The following STK3 variants were observed in gnomAD, a reference collection of about 807,000 sequenced individuals.
The protein encoded by STK3 is serine/threonine kinase 3.
STK3 carries 41 observed loss-of-function variants against 58.0 expected under a neutral mutation model. The observed-to-expected ratio is 0.71, with a 90% CI of 0.55 to 0.92. The LOEUF is 0.92. STK3 is among the 40% of genes least tolerant of loss of function. STK3 has a pLI of 0.00. For missense variants in STK3, 479 were observed against 602.7 expected, an observed-to-expected ratio of 0.79 and a Z score of 2.15; for synonymous variants, 170 against 191.0, an observed-to-expected ratio of 0.89 and a Z score of 0.91.
At chr8:98,499,439 A>T (rs1333222655) in intron 10 of STK3, among the ~76,000 whole-genome samples, 6 of 152,240 alleles carry the variant, frequency 3.9e-5, no homozygotes, top group African/African-American at 1.4e-4. Flanking sequence ...TAAAACTATG[A>T]AAGTGGCTTT....
In STK3 at chr8:98,796,113, A is replaced by G. The variant is rs185090156; in HGVS notation, c.27-21294T>C. ...ACACTATTCCTATCAAGCTACCAACATCATTTTGGACAAAACTAGAAAAAA... is the reference window on the plus strand; with the variant it reads ...ACACTATTCCTATCAAGCTACCAACGTCATTTTGGACAAAACTAGAAAAAA... On this transcript the variant is annotated intron_variant, in intron 1 of 10. Transcript: ENST00000419617. Among the ~76,000 whole-genome samples the G allele has an allele frequency of 3.3e-4, 51 of 152,334 alleles. No individual in the cohort carries two copies. In the East Asian group the frequency reaches 9.6e-3, roughly 29 times the overall value.
intron 6 of STK3, among the ~76,000 whole-genome samples, chr8:98,637,194 G>A (rs1819690950): frequency 6.6e-6 from 1 of 151,688 alleles, no homozygotes; most frequent in Admixed American, 6.6e-5. Flanking sequence ...GTAAAATCAA[G>A]TATGAACCAG....
intron 1 of STK3, chr8:98,905,804 GATTCA>G (rs1838875015): frequency 5.4e-6 from 2 of 372,856 alleles, no homozygotes; most frequent in Admixed American, 7.5e-5. Flanking sequence ...AGCAACGAAC[GATTCA>G]CAAATTCGGA....
At chr8:98,429,671 T>C (rs1047325421) in intron 3 of STK3, 2 of 479,964 alleles carry the variant, frequency 4.2e-6, no homozygotes, top group African/African-American at 1.9e-5. Context: ...AATGTTCACC[T>C]TTTTGCCAGA....
chr8:98,838,973 TTTTG>T (rs899352226), intron 3 of STK3, among the ~76,000 whole-genome samples: 9 of 147,142 alleles, frequency 6.1e-5, no homozygotes, highest in Admixed American at 1.4e-4. Context: ...TTTGTTTTTG[TTTTG>T]TTTGTTTGTT....
chr8:98,703,637 C>T (rs1003394500), intron 6 of STK3, among the ~76,000 whole-genome samples: 7 of 152,076 alleles, frequency 4.6e-5, no homozygotes, highest in African/African-American at 1.7e-4. Flanking sequence ...CAGACTGTGC[C>T]CTGTTAGTAA....
intron 1 of STK3, among the ~76,000 whole-genome samples, chr8:98,934,670 C>G (rs1311197354): frequency 6.6e-6 from 1 of 152,194 alleles, no homozygotes; most frequent in East Asian, 1.9e-4. Context: ...AATCCCAGCA[C>G]TTTGGGAAGC....
chr8:98,617,512 A>G (rs1210000417), intron 6 of STK3, among the ~76,000 whole-genome samples: 1 of 149,692 alleles, frequency 6.7e-6, no homozygotes, highest in Non-Finnish European at 1.5e-5. Context: ...CAAAAAATCA[A>G]TGAATCCAGG....
At chr8:98,712,085 A>C (rs544308612) in intron 4 of STK3, among the ~76,000 whole-genome samples, 37 of 152,334 alleles carry the variant, frequency 2.4e-4, no homozygotes, top group African/African-American at 8.7e-4. Flanking sequence ...GCAAAGGCTG[A>C]GAGATTTTGT....
chr8:98,640,416 A>G (rs958402304), intron 6 of STK3, among the ~76,000 whole-genome samples: 2 of 152,210 alleles, frequency 1.3e-5, no homozygotes, highest in Non-Finnish European at 2.9e-5. Context: ...GGAAGAATAT[A>G]TTCTTTTGTA....
chr8:98,859,591 G>A (rs73277884), intron 3 of STK3, among the ~76,000 whole-genome samples: 2,743 of 152,246 alleles, frequency 0.018, 78 homozygotes, highest in African/African-American at 0.063. Context: ...AACTGACATT[G>A]TTGATTTTCC....
At chr8:98,597,237 T>C (rs138694441) in intron 6 of STK3, 2 of 972,844 alleles carry the variant, frequency 2.1e-6, no homozygotes, top group Admixed American at 6.1e-5. Context: ...TGCATTATCA[T>C]TGGTTTCTTA....
intron 3 of STK3, among the ~76,000 whole-genome samples, chr8:98,765,134 T>C (rs1268941071): frequency 6.6e-6 from 1 of 152,208 alleles, no homozygotes; most frequent in Non-Finnish European, 1.5e-5. Context: ...TGCTAATCCT[T>C]GAACTATTTT....
At chr8:98,361,273 G>A in the STK3 span, among the ~76,000 whole-genome samples, 3 of 152,052 alleles carry the variant, frequency 2.0e-5, no homozygotes, top group African/African-American at 4.8e-5. Context: ...TCCTGCCCAC[G>A]GTGCCAGAGG....
intron 7 of STK3, among the ~76,000 whole-genome samples, chr8:98,589,356 C>T (rs1374237835): frequency 2.0e-5 from 3 of 152,138 alleles, no homozygotes; most frequent in Admixed American, 6.6e-5. Context: ...AGTAACCTGC[C>T]GTGTGAGGTG....
At chr8:98,559,837 G>GT (rs1459241922) in intron 8 of STK3, among the ~76,000 whole-genome samples, 2 of 152,080 alleles carry the variant, frequency 1.3e-5, no homozygotes, top group South Asian at 2.1e-4. Flanking sequence ...ATAATTTGTT[G>GT]TTTTTTCCCT....
chr8:98,404,125 C>T (rs895056565), intron 3 of STK3, among the ~76,000 whole-genome samples: 7 of 152,184 alleles, frequency 4.6e-5, no homozygotes, highest in Admixed American at 2.6e-4. Flanking sequence ...ATATTGCCTC[C>T]ATTTACAGCG....
chr8:98,791,664 A>G (rs970914273), intron 1 of STK3, among the ~76,000 whole-genome samples: 4 of 152,198 alleles, frequency 2.6e-5, no homozygotes, highest in African/African-American at 7.2e-5. Flanking sequence ...AATAAGCCCA[A>G]ATACTTACAG....
intron 6 of STK3, among the ~76,000 whole-genome samples, chr8:98,673,909 A>G (rs1030828012): frequency 2.6e-5 from 4 of 152,262 alleles, no homozygotes; most frequent in Admixed American, 2.6e-4. Context: ...ACTGGTAAAT[A>G]TGTAGAATAC....
Sources: allele counts gnomAD v4.1 joint callset (sites outside exome capture counted in the v4.1 genomes callset), GRCh38; gene constraint gnomAD v4.1.1; transcripts MANE v1.5; gene names NCBI Gene and HGNC (gene_info 2026-07-23, HGNC 2026-07-21).